SPAG16: variants seen among roughly 807,000 people sequenced by gnomAD.
SPAG16 encodes the protein sperm associated antigen 16, also known as sperm-associated antigen 16 protein.
A neutral mutation model predicts 80.4 loss-of-function variants in SPAG16; 86 were observed. That is an observed-to-expected ratio of 1.07 (90% CI 0.90 to 1.28). The LOEUF is 1.28. SPAG16 is among the 50% of genes most tolerant of loss of function. SPAG16 has a pLI of 0.00. For missense variants in SPAG16, 870 were observed against 765.3 expected, an observed-to-expected ratio of 1.14 and a Z score of -1.61; for synonymous variants, 294 against 265.9, an observed-to-expected ratio of 1.11 and a Z score of -1.03.
intron 15 of SPAG16, among the ~76,000 whole-genome samples, chr2:214,256,362 T>C (rs540879257): frequency 1.3e-5 from 2 of 152,006 alleles, no homozygotes; most frequent in South Asian, 2.1e-4. Context: ...TTGCCAGATA[T>C]ATGTTTTGCA....
chr2:214,202,086 A>G (rs1217632655), intron 15 of SPAG16, among the ~76,000 whole-genome samples: 1 of 152,110 alleles, frequency 6.6e-6, no homozygotes, highest in Non-Finnish European at 1.5e-5. Context: ...GGCTTGAGTA[A>G]TCTCCCTGCT....
At chr2:213,911,567 A>G (rs2077667639) in intron 11 of SPAG16, among the ~76,000 whole-genome samples, 3 of 152,262 alleles carry the variant, frequency 2.0e-5, no homozygotes, top group Admixed American at 6.5e-5. Flanking sequence ...GTTGCTAAAT[A>G]TAATGCTTAT....
chr2:213,945,295 ATATACACAAG>A (rs1194535371), intron 12 of SPAG16, among the ~76,000 whole-genome samples: 4 of 146,340 alleles, frequency 2.7e-5, no homozygotes, highest in Non-Finnish European at 4.5e-5. Context: ...ACACACATAT[ATATACACAAG>A]TATATATATG....
At chr2:213,423,855 TAG>T (rs1361748511) in intron 9 of SPAG16, among the ~76,000 whole-genome samples, 1 of 152,322 alleles carries the variant, frequency 6.6e-6, no homozygotes, top group East Asian at 1.9e-4. Flanking sequence ...TCGTCTGCAA[TAG>T]ATAGTCTCCC....
chr2:213,765,141 C>G (rs113561868), intron 10 of SPAG16, among the ~76,000 whole-genome samples: 21 of 152,298 alleles, frequency 1.4e-4, no homozygotes, highest in African/African-American at 4.8e-4. Flanking sequence ...GTGCCCGAGG[C>G]GGGCGGATCA....
intron 15 of SPAG16, among the ~76,000 whole-genome samples, chr2:214,252,293 A>G (rs1361768012): frequency 6.6e-6 from 1 of 151,620 alleles, no homozygotes; most frequent in Non-Finnish European, 1.5e-5. Context: ...TTTGTTTTTT[A>G]TTTTAATTTT....
At chr2:213,850,942 A>G (rs1461610753) in intron 10 of SPAG16, among the ~76,000 whole-genome samples, 2 of 151,952 alleles carry the variant, frequency 1.3e-5, no homozygotes, top group Admixed American at 1.3e-4. Context: ...GAACATTCTT[A>G]TTAGTATATT....
intron 12 of SPAG16, among the ~76,000 whole-genome samples, chr2:213,938,770 C>G (rs909632579): frequency 2.0e-5 from 3 of 151,740 alleles, no homozygotes; most frequent in African/African-American, 7.3e-5. Flanking sequence ...AAATGGCAAG[C>G]AATACAATTT....
rs73990342 is a variant in SPAG16 at position 213,401,679 on chromosome 2, C to G, written c.942+26560C>G. On this transcript the variant is annotated intron_variant, in intron 9 of 15. Coordinates refer to ENST00000331683, the MANE Select transcript of SPAG16 (RefSeq NM_024532.5). Reference sequence around the variant, plus strand: ...TTAGTATATAGTGGGCAGTCTCTTTCATTTATCTGGTGATTTTGTCCACTT... The same window carrying G: ...TTAGTATATAGTGGGCAGTCTCTTTGATTTATCTGGTGATTTTGTCCACTT... 7.2e-5 allele frequency among the ~76,000 whole-genome samples: 11 copies of G among 152,208 alleles called. No homozygotes were observed. The South Asian group carries it at 1.2e-3, about 17-fold the overall frequency.
chr2:213,394,102 C>G (rs1054031550), intron 9 of SPAG16, among the ~76,000 whole-genome samples: 2 of 151,952 alleles, frequency 1.3e-5, no homozygotes. Context: ...TCAGTACTTT[C>G]TTTTATGATA....
chr2:214,396,731 TTATC>T (rs1321288315), intron 15 of SPAG16, among the ~76,000 whole-genome samples: 2 of 152,094 alleles, frequency 1.3e-5, no homozygotes, highest in East Asian at 1.9e-4. Flanking sequence ...AAAATAATTT[TTATC>T]TATTTGGTTG....
intron 10 of SPAG16, among the ~76,000 whole-genome samples, chr2:213,838,004 C>T (rs2074177347): frequency 6.6e-6 from 1 of 151,938 alleles, no homozygotes. Flanking sequence ...TCTCCAACGT[C>T]ATATTTTGGG....
intron 13 of SPAG16, among the ~76,000 whole-genome samples, chr2:214,073,233 T>C (rs942831442): frequency 5.7e-5 from 1 of 17,682 alleles, no homozygotes; most frequent in African/African-American, 3.5e-4. Flanking sequence ...AAATTTTTTC[T>C]TTTTTTTTTT....
At chr2:213,442,313 G>T (rs1042571290) in intron 9 of SPAG16, among the ~76,000 whole-genome samples, 1 of 152,166 alleles carries the variant, frequency 6.6e-6, no homozygotes, top group African/African-American at 2.4e-5. Flanking sequence ...TTCATAATTA[G>T]CAAGACTCAA....
At chr2:213,352,021 G>A (rs1198315620) in intron 7 of SPAG16, among the ~76,000 whole-genome samples, 2 of 151,996 alleles carry the variant, frequency 1.3e-5, no homozygotes, top group African/African-American at 4.8e-5. Flanking sequence ...AGATCTGGTG[G>A]TTGTATAAGC....
intron 10 of SPAG16, among the ~76,000 whole-genome samples, chr2:213,715,949 A>G (rs948245750): frequency 2.0e-5 from 3 of 151,940 alleles, no homozygotes; most frequent in Non-Finnish European, 2.9e-5. Context: ...CAAACCACAC[A>G]GTGCACTATT....
At chr2:214,228,634 A>G (rs1688463332) in intron 15 of SPAG16, among the ~76,000 whole-genome samples, 1 of 151,862 alleles carries the variant, frequency 6.6e-6, no homozygotes, top group Non-Finnish European at 1.5e-5. Context: ...ATCACCCCAG[A>G]ACTTCTGAAT....
chr2:213,688,440 A>G (rs2064789888), intron 10 of SPAG16, among the ~76,000 whole-genome samples: 1 of 152,238 alleles, frequency 6.6e-6, no homozygotes, highest in Non-Finnish European at 1.5e-5. Context: ...GCCATTTCAA[A>G]ATGTGGCAAA....
At chr2:213,542,328 C>CATTAAGAAGAA (rs2076475162) in intron 10 of SPAG16, among the ~76,000 whole-genome samples, 1 of 152,022 alleles carries the variant, frequency 6.6e-6, no homozygotes, top group African/African-American at 2.4e-5. Context: ...TTACTTTCTT[C>CATTAAGAAGAA]AGTGTTTTCT....
Sources: gnomAD v4.1 joint callset for allele counts (sites outside exome capture counted in the v4.1 genomes callset) on GRCh38, gnomAD v4.1.1 for gene constraint, MANE v1.5 for transcripts, NCBI Gene and HGNC (gene_info 2026-07-23, HGNC 2026-07-21) for gene names.